Variants in TMEM132C observed in about 807,000 individuals in gnomAD.
TMEM132C encodes the protein transmembrane protein 132C, also known as protein phosphatase 1, regulatory subunit 152.
In TMEM132C, 29 loss-of-function variants were observed where a neutral mutation model predicts 61.4. That is an observed-to-expected ratio of 0.47 (90% CI 0.35 to 0.64). The LOEUF (loss-of-function observed/expected upper bound fraction) is 0.64, where lower values mean the gene tolerates loss of function less well. Among genes scored for constraint, TMEM132C ranks in the 30% least tolerant of loss-of-function variants. The pLI, the probability that TMEM132C is intolerant of heterozygous loss-of-function variation, is 0.00. For synonymous variants in TMEM132C, 656 were observed against 633.1 expected, an observed-to-expected ratio of 1.04 and a Z score of -0.54; for missense variants, 1,408 against 1,476.9, an observed-to-expected ratio of 0.95 and a Z score of 0.76.
At chr12:128,341,720 A>G (rs75907574) in intron 1 of TMEM132C, among the ~76,000 whole-genome samples, 6 of 152,292 alleles carry the variant, frequency 3.9e-5, no homozygotes, top group Admixed American at 2.0e-4. Flanking sequence ...GAACTGGTGC[A>G]GCCATTTTGG....
At chr12:128,445,453 G>T (rs1014352106) in intron 2 of TMEM132C, among the ~76,000 whole-genome samples, 4 of 152,190 alleles carry the variant, frequency 2.6e-5, no homozygotes, top group African/African-American at 9.7e-5. Context: ...GGCAGAGCCA[G>T]CCCCGTGTGT....
intron 2 of TMEM132C, among the ~76,000 whole-genome samples, chr12:128,449,212 C>G (rs903395505): frequency 2.7e-5 from 4 of 148,792 alleles, no homozygotes; most frequent in African/African-American, 9.9e-5. Flanking sequence ...ATCAGAGGGT[C>G]TGAAAACTGA....
intron 2 of TMEM132C, among the ~76,000 whole-genome samples, chr12:128,465,661 C>A (rs1219872622): frequency 1.3e-5 from 2 of 152,232 alleles, no homozygotes; most frequent in Non-Finnish European, 2.9e-5. Flanking sequence ...CTACCCTGAA[C>A]CCAGGCCTGC....
intron 8 of TMEM132C, among the ~76,000 whole-genome samples, chr12:128,703,392 T>C (rs1334493063): frequency 6.6e-6 from 1 of 152,194 alleles, no homozygotes; most frequent in Non-Finnish European, 1.5e-5. Context: ...AGTGAGAACA[T>C]GTAGTGTTGG....
chr12:128,393,525 T>C (rs1024959922), intron 1 of TMEM132C, among the ~76,000 whole-genome samples: 2 of 152,210 alleles, frequency 1.3e-5, no homozygotes, highest in Non-Finnish European at 2.9e-5. Context: ...GGAGGTTATA[T>C]TCCAATTTCA....
At chr12:128,334,008 G>C (rs530225412) in intron 1 of TMEM132C, among the ~76,000 whole-genome samples, 54 of 152,100 alleles carry the variant, frequency 3.6e-4, no homozygotes, top group African/African-American at 1.3e-3. Context: ...GCATGTGACT[G>C]TGTGACCAGG....
chr12:128,587,965 A>G (rs1875611049), intron 3 of TMEM132C, among the ~76,000 whole-genome samples: 1 of 152,220 alleles, frequency 6.6e-6, no homozygotes, highest in Non-Finnish European at 1.5e-5. Flanking sequence ...AATAAAAATA[A>G]CAGTGGCAGC....
At chr12:128,569,351 T>C (rs544831870) in intron 3 of TMEM132C, among the ~76,000 whole-genome samples, 2 of 152,332 alleles carry the variant, frequency 1.3e-5, no homozygotes, top group Admixed American at 1.3e-4. Context: ...ACAGGCCTTC[T>C]TCGGTCTCCT....
chr12:128,344,449 T>C (rs1403550335), intron 1 of TMEM132C, among the ~76,000 whole-genome samples: 1 of 152,112 alleles, frequency 6.6e-6, no homozygotes, highest in Non-Finnish European at 1.5e-5. Flanking sequence ...TGAGCCACCG[T>C]GCCGGCAGTA....
intron 1 of TMEM132C, among the ~76,000 whole-genome samples, chr12:128,271,710 T>A (rs11059616): frequency 0.041 from 6,212 of 152,270 alleles, 324 homozygotes; most frequent in African/African-American, 0.12. Context: ...CCTTAAGCAG[T>A]TGAGTTTTGC....
At chr12:128,270,209 G>T (rs1319504627) in intron 1 of TMEM132C, among the ~76,000 whole-genome samples, 44 of 152,276 alleles carry the variant, frequency 2.9e-4, no homozygotes, top group Non-Finnish European at 8.8e-5. Context: ...GGTTATGTGG[G>T]ACCACATTCT....
intron 4 of TMEM132C, among the ~76,000 whole-genome samples, chr12:128,621,188 G>GTAAT (rs1953960058): frequency 6.6e-6 from 1 of 152,118 alleles, no homozygotes; most frequent in African/African-American, 2.4e-5. Flanking sequence ...TAACCAGTGG[G>GTAAT]AGGCACCAGA....
At position 128,464,874 on chromosome 12, in the gene TMEM132C, G is replaced by C. The variant is rs137860018; in HGVS notation, c.974+49254G>C. ...GAGAAGAGCAGACCTGCAAGGCTGT[G>C]TGAGCATTAGGGCCTCAGGTACCAC... is the stretch of plus-strand genomic sequence containing the variant. On this transcript the variant is annotated intron_variant, in intron 2 of 8. Coordinates refer to ENST00000435159, the MANE Select transcript of TMEM132C (RefSeq NM_001136103.3). 6.2e-3 allele frequency among the ~76,000 whole-genome samples: 945 copies of C among 152,012 alleles called. 13 individuals carry two copies. The highest frequency in any genetic ancestry group is 0.021 in the African/African-American group (887 of 41,426).
chr12:128,489,377 GA>G (rs11449941), intron 2 of TMEM132C, among the ~76,000 whole-genome samples: 55 of 143,890 alleles, frequency 3.8e-4, no homozygotes, highest in Middle Eastern at 3.6e-3. Context: ...ATAAAAGCTG[GA>G]AAAAAAAAAA....
rs1185687180 is a variant in TMEM132C at position 128,706,060 on chromosome 12, C to T, written c.3092C>T (p.Ser1031Phe). The T allele has an allele frequency of 6.4e-7, 1 of 1,551,736 alleles. No homozygotes were observed. Among genetic ancestry groups the T allele is most frequent in the Non-Finnish European group, 8.7e-7 (1 of 1,146,988 alleles). ...VQSQIHRSAD[S>F]GGRQGREQKQ... ...AGCCAGATTCACAGGTCAGCCGACTCCGGGGGGCGGCAGGGCAGAGAACAG... is the reference window on the plus strand; with the variant it reads ...AGCCAGATTCACAGGTCAGCCGACTTCGGGGGGCGGCAGGGCAGAGAACAG... Residue 1031 changes from serine to phenylalanine, a missense_variant, in exon 9 of 9, where the codon TCC becomes TTC. By Grantham distance (155) the Ser-to-Phe change is radical (BLOSUM62 -2). Coordinates refer to ENST00000435159, the MANE Select transcript of TMEM132C (RefSeq NM_001136103.3).
chr12:128,530,303 A>T (rs1158949758), intron 2 of TMEM132C, among the ~76,000 whole-genome samples: 8 of 152,158 alleles, frequency 5.3e-5, no homozygotes, highest in Admixed American at 5.2e-4. Context: ...AGTGTTTAAC[A>T]TCTTGCTCCC....
At chr12:128,543,894 G>T in intron 2 of TMEM132C, 63 bp from the exon 3 acceptor site, 1 of 1,512,266 alleles carries the variant, frequency 6.6e-7, no homozygotes, top group Non-Finnish European at 8.8e-7. Flanking sequence ...TGCAGAGCTG[G>T]GCACGTTGGA....
intron 1 of TMEM132C, among the ~76,000 whole-genome samples, chr12:128,291,361 C>T (rs1315258806): frequency 6.6e-6 from 1 of 152,324 alleles, no homozygotes; most frequent in East Asian, 1.9e-4. Context: ...CATCCAGCCT[C>T]GCTGATGACA....
intron 2 of TMEM132C, among the ~76,000 whole-genome samples, chr12:128,517,610 ACT>A (rs1872761167): frequency 6.6e-6 from 1 of 152,190 alleles, no homozygotes. Flanking sequence ...CTAATTATAG[ACT>A]CTAGGTGGTA....
Sources: gnomAD v4.1 joint callset for allele counts (sites outside exome capture counted in the v4.1 genomes callset) on GRCh38, gnomAD v4.1.1 for gene constraint, MANE v1.5 for transcripts, NCBI Gene and HGNC (gene_info 2026-07-23, HGNC 2026-07-21) for gene names.